Variants in ESRRG observed in about 807,000 individuals in gnomAD.
ESRRG encodes the protein estrogen related receptor gamma.
A neutral mutation model predicts 44.0 loss-of-function variants in ESRRG; 13 were observed. The observed-to-expected ratio is 0.30, with a 90% CI of 0.19 to 0.47. ESRRG has a LOEUF of 0.47. Among genes scored for constraint, ESRRG ranks in the 20% least tolerant of loss-of-function variants. ESRRG has a pLI of 1.00. For synonymous variants in ESRRG, 215 were observed against 214.6 expected, an observed-to-expected ratio of 1.00 and a Z score of -0.02; for missense variants, 395 against 580.6, an observed-to-expected ratio of 0.68 and a Z score of 3.29.
intron 1 of ESRRG, among the ~76,000 whole-genome samples, chr1:217,035,668 T>C (rs1236040278): frequency 2.8e-5 from 4 of 142,250 alleles, no homozygotes; most frequent in Admixed American, 7.0e-5. Flanking sequence ...GTAAAAACTC[T>C]AGGGATTCCG....
At chr1:216,812,741 T>C (rs1044122539) in intron 2 of ESRRG, among the ~76,000 whole-genome samples, 7 of 152,208 alleles carry the variant, frequency 4.6e-5, no homozygotes, top group African/African-American at 1.4e-4. Context: ...TACTCATTTC[T>C]CTTTCTCATT....
At chr1:217,083,712 C>CA (rs778506421) in intron 1 of ESRRG, among the ~76,000 whole-genome samples, 2 of 152,156 alleles carry the variant, frequency 1.3e-5, no homozygotes, top group Non-Finnish European at 2.9e-5. Context: ...CCCAATTCTG[C>CA]AACCTTAGGA....
At chr1:216,835,039 T>C (rs1399952234) in intron 2 of ESRRG, among the ~76,000 whole-genome samples, 2 of 152,074 alleles carry the variant, frequency 1.3e-5, no homozygotes, top group African/African-American at 2.4e-5. Context: ...CATGATAAAA[T>C]TGATAATGAA....
At chr1:216,831,667 T>C (rs2095489858) in intron 2 of ESRRG, among the ~76,000 whole-genome samples, 1 of 152,222 alleles carries the variant, frequency 6.6e-6, no homozygotes, top group Non-Finnish European at 1.5e-5. Context: ...AGATAATTCC[T>C]ACTAAATACA....
At chr1:216,818,633 G>A (rs1217848065) in intron 2 of ESRRG, among the ~76,000 whole-genome samples, 1 of 151,896 alleles carries the variant, frequency 6.6e-6, no homozygotes, top group Non-Finnish European at 1.5e-5. Flanking sequence ...TAAGTTCCAG[G>A]GTACATGTGC....
At chr1:216,832,895 G>C (rs2095508005) in intron 2 of ESRRG, among the ~76,000 whole-genome samples, 1 of 151,608 alleles carries the variant, frequency 6.6e-6, no homozygotes, top group Admixed American at 6.6e-5. Context: ...AGAATCCCTG[G>C]ATCCCAGAGG....
chr1:217,087,831 C>T (rs879756466), intron 1 of ESRRG, among the ~76,000 whole-genome samples: 1 of 152,150 alleles, frequency 6.6e-6, no homozygotes, highest in African/African-American at 2.4e-5. Context: ...ATCATCCAGG[C>T]CTGCTTCCTT....
At chr1:217,035,790 T>G (rs1174447501) in intron 1 of ESRRG, among the ~76,000 whole-genome samples, 1 of 152,118 alleles carries the variant, frequency 6.6e-6, no homozygotes, top group Non-Finnish European at 1.5e-5. Context: ...CCAAGTCATA[T>G]CTATGCCTCT....
At chr1:217,093,806 A>T (rs940310783), upstream of ESRRG, among the ~76,000 whole-genome samples, 2 of 151,622 alleles carry the variant, frequency 1.3e-5, no homozygotes, top group Non-Finnish European at 2.9e-5. Flanking sequence ...ACACACACAC[A>T]TATAAAAACC....
chr1:216,661,294 T>C (rs1489613404), intron 2 of ESRRG, among the ~76,000 whole-genome samples: 2 of 152,188 alleles, frequency 1.3e-5, no homozygotes, highest in African/African-American at 4.8e-5. Context: ...AAATATATAA[T>C]GTCTGAGCTG....
At chr1:216,769,483 T>G (rs917438215) in intron 2 of ESRRG, among the ~76,000 whole-genome samples, 1 of 151,986 alleles carries the variant, frequency 6.6e-6, no homozygotes, top group Non-Finnish European at 1.5e-5. Context: ...GGCCTCAACT[T>G]CTAAGCTAAA....
chr1:217,043,493 C>T lies in ESRRG; in HGVS notation c.-106+46014G>A, dbSNP rs544916762. Among the ~76,000 whole-genome samples the T allele has an allele frequency of 5.9e-5, 9 of 152,272 alleles. No individual in the cohort carries two copies. The East Asian group carries it at 1.3e-3, about 23-fold the overall frequency. On this transcript the variant is annotated intron_variant, in intron 1 of 7. Transcript: ENST00000359162. Reference sequence around the variant, plus strand: ...CAGTTATATTTCCTAAAATGAAACACGTCATTGTTGGCCCTTTTTGGTCTT... The same window carrying T: ...CAGTTATATTTCCTAAAATGAAACATGTCATTGTTGGCCCTTTTTGGTCTT...
At chr1:216,845,430 A>T (rs1361612327) in intron 2 of ESRRG, among the ~76,000 whole-genome samples, 1 of 152,162 alleles carries the variant, frequency 6.6e-6, no homozygotes, top group Non-Finnish European at 1.5e-5. Flanking sequence ...CTGTAGAAAA[A>T]CAAAGCTGGT....
At chr1:217,101,511 T>TA (rs2092511969) in intron 1 of ESRRG, among the ~76,000 whole-genome samples, 1 of 152,226 alleles carries the variant, frequency 6.6e-6, no homozygotes, top group African/African-American at 2.4e-5. Flanking sequence ...TTCAAACTGA[T>TA]AAGATAGAAA....
At chr1:217,072,986 C>A (rs1213698002) in intron 1 of ESRRG, among the ~76,000 whole-genome samples, 1 of 151,736 alleles carries the variant, frequency 6.6e-6, no homozygotes, top group African/African-American at 2.4e-5. Flanking sequence ...ATGTTCTCTG[C>A]CCTTGGGAAA....
At chr1:217,102,867 G>T (rs1035462073) in intron 1 of ESRRG, among the ~76,000 whole-genome samples, 1 of 152,084 alleles carries the variant, frequency 6.6e-6, no homozygotes, top group African/African-American at 2.4e-5. Flanking sequence ...ATGTAGGGGC[G>T]GGTGGGAAGA....
At chr1:216,964,078 G>T (rs1442141281) in intron 1 of ESRRG, among the ~76,000 whole-genome samples, 2 of 152,114 alleles carry the variant, frequency 1.3e-5, no homozygotes, top group African/African-American at 4.8e-5. Flanking sequence ...TGATTCCAAG[G>T]ATCTGAAAGA....
chr1:216,915,877 AGTGAT>A lies in ESRRG; in HGVS notation c.-14+23700_-14+23704del, dbSNP rs564754857. Among the ~76,000 whole-genome samples the A allele has an allele frequency of 6.0e-3, 914 of 152,336 alleles. 6 individuals carry two copies. Among genetic ancestry groups the A allele is most frequent in the Non-Finnish European group, 7.3e-3 (500 of 68,030 alleles). On this transcript the variant is annotated intron_variant, in intron 2 of 7. Coordinates refer to the ESRRG transcript ENST00000359162. ...CCTTGGGCTTCCAAAGGAAACAGCC[AGTGAT>A]AGTACCCTCGTTGGCATGCAGTGTG...
intron 2 of ESRRG, among the ~76,000 whole-genome samples, chr1:216,821,498 C>A (rs2095286640): frequency 6.6e-6 from 1 of 151,476 alleles, no homozygotes; most frequent in Non-Finnish European, 1.5e-5. Flanking sequence ...GCAGCCTTGG[C>A]AACATAGTGA....
Sources: allele counts gnomAD v4.1 joint callset (sites outside exome capture counted in the v4.1 genomes callset), GRCh38; gene constraint gnomAD v4.1.1; transcripts MANE v1.5; gene names NCBI Gene and HGNC (gene_info 2026-07-23, HGNC 2026-07-21).